Variants in COCH observed in about 807,000 individuals in gnomAD.
The protein encoded by COCH is coagulation factor C homolog, cochlin (Limulus polyphemus).
In COCH, 40 loss-of-function variants were observed where a neutral mutation model predicts 54.8. The ratio of observed to expected loss-of-function variants is 0.73; its 90% CI spans 0.57 to 0.95. The LOEUF is 0.95. Among genes scored for constraint, COCH ranks in the 40% least tolerant of loss-of-function variants. COCH has a pLI of 0.00. For synonymous variants in COCH, 256 were observed against 237.9 expected, an observed-to-expected ratio of 1.08 and a Z score of -0.70; for missense variants, 605 against 675.0, an observed-to-expected ratio of 0.90 and a Z score of 1.15.
At chr14:30,893,666 G>T (rs1195514626), downstream of COCH, 1 of 152,176 alleles carries the variant, frequency 6.6e-6, no homozygotes, top group Admixed American at 6.5e-5. Context: ...TTTAATGCAA[G>T]ACTTTTTCTT....
Position 30,885,631 on chromosome 14 carries a change from G to A in COCH, c.960+11G>A, listed in dbSNP as rs1177130640. 6.5e-6 allele frequency: 10 copies of A among 1,546,910 alleles called. No individual in the cohort carries two copies. The highest frequency in any genetic ancestry group is 1.4e-5 in the African/African-American group (1 of 73,540). On this transcript the variant is annotated intron_variant, in intron 10 of 11. Transcript: ENST00000396618. ...ACATTTGTTGACAAGGTAAAGTGGT[G>A]AGGGTTATCTTCTGTTACAGTGATG... is the stretch of plus-strand genomic sequence containing the variant.
chr14:30,878,115 C>T (rs1895435176), intron 4 of COCH, among the ~76,000 whole-genome samples: 2 of 152,150 alleles, frequency 1.3e-5, no homozygotes, highest in Non-Finnish European at 2.9e-5. Context: ...AAGTATCTTG[C>T]CCAAGGTGAC....
In COCH at chr14:30,877,791, A is replaced by G. The variant is rs1317514906; in HGVS notation, c.239+63A>G. 2.5e-6 allele frequency: 4 copies of G among 1,607,718 alleles called. No individual in the cohort carries two copies. Among genetic ancestry groups the G allele is most frequent in the Non-Finnish European group, 3.4e-6 (4 of 1,178,802 alleles). On this transcript the variant is annotated intron_variant, in intron 4 of 11. Transcript: ENST00000396618. This position sits in a 1 kb window ranked among gnomAD's most constrained non-coding sequence, Gnocchi z 8.6. ...ACGTGATTATTTCCTTTCCTGCTTT[A>G]CCCATCTGGATCCCTTTCCTCCCTG...
intron 8 of COCH, among the ~76,000 whole-genome samples, chr14:30,883,125 T>A (rs1476638623): frequency 6.6e-6 from 1 of 152,246 alleles, no homozygotes; most frequent in African/African-American, 2.4e-5. Context: ...TTAAAAAAAA[T>A]GTGTTCCTTG....
intron 3 of COCH, chr14:30,875,626 C>CCACCGAGA: frequency 3.4e-6 from 1 of 298,412 alleles, no homozygotes; most frequent in Non-Finnish European, 6.1e-6. Context: ...CGCGGTCTCA[C>CCACCGAGA]TCTACACGCT....
intron 4 of COCH, among the ~76,000 whole-genome samples, chr14:30,878,342 TG>T (rs1482368235): frequency 6.6e-6 from 1 of 152,186 alleles, no homozygotes; most frequent in Non-Finnish European, 1.5e-5. Context: ...AGGCAAATTT[TG>T]TTCTTGTGTA....
intron 8 of COCH, among the ~76,000 whole-genome samples, chr14:30,883,116 TA>T (rs933666891): frequency 2.6e-5 from 4 of 152,054 alleles, no homozygotes; most frequent in Non-Finnish European, 5.9e-5. Flanking sequence ...CTCTCACCCT[TA>T]AAAAAAATGT....
At chr14:30,874,811 C>G (rs939220614) in intron 1 of COCH, 105 bp from the exon 2 acceptor site, 19 of 1,090,886 alleles carry the variant, frequency 1.7e-5, no homozygotes, top group Admixed American at 1.2e-4. Context: ...TGTGTCCTCT[C>G]TCCTCTGCGC....
At chr14:30,895,484 T>C, downstream of COCH, 1 of 1,614,126 alleles carries the variant, frequency 6.2e-7, no homozygotes, top group Non-Finnish European at 8.5e-7. Flanking sequence ...GAAAGCAACA[T>C]CATAAATTGA....
rs770299353 is a variant in COCH, at chr14:30,880,464, A to C, written c.449A>C (p.Lys150Thr). The C allele has an allele frequency of 1.9e-6, 3 of 1,614,174 alleles. No homozygotes were observed. The highest frequency in any genetic ancestry group is 1.7e-6 in the Non-Finnish European group (2 of 1,180,034). The change falls in exon 7 of 12, where the codon AAG (lysine) becomes ACG (threonine). Residue 150 changes from lysine (K) to threonine (T), a missense_variant. Coordinates refer to ENST00000396618, the MANE Select transcript of COCH (RefSeq NM_004086.3). ...TCTTTTATTTCAGGTAAACGACTAA[A>C]GAAAACACCCGAGAAGAAAACTGGC... ...TAHPPTGKRL[K>T]KTPEKKTGNK...
Position 30,882,540 on chromosome 14 carries a change from CATA to C in COCH, c.629+1807_629+1809del, listed in dbSNP as rs143391524. Among the ~76,000 whole-genome samples, 28 of 152,146 alleles carry C rather than the reference CATA, an allele frequency of 1.8e-4. No homozygotes were observed. The East Asian group carries it at 5.0e-3, about 27-fold the overall frequency. ...TCCTTTAGTATTTTTAGCATTTTCT[CATA>C]TCACAAATATTCATCAAAAATATTT... On this transcript the variant is annotated intron_variant, in intron 8 of 11. Transcript: ENST00000396618.
intron 8 of COCH, among the ~76,000 whole-genome samples, chr14:30,883,820 A>C (rs1461860112): frequency 2.6e-5 from 4 of 152,238 alleles, no homozygotes; most frequent in African/African-American, 9.6e-5. Context: ...AGGAAATGAG[A>C]TCTCAAAACT....
rs186875564 is a variant in COCH, at chr14:30,885,474, G to A, written c.814G>A (p.Val272Ile). The A allele has an allele frequency of 4.2e-5, 68 of 1,614,046 alleles. No individual in the cohort carries two copies. The highest frequency in any genetic ancestry group is 1.7e-4 in the Admixed American group (10 of 60,028). The change falls in exon 10 of 12, where the codon GTA becomes ATA. Residue 272 changes from valine to isoleucine, a missense_variant. By Grantham distance (29) the Val-to-Ile change is conservative (BLOSUM62 3). Coordinates refer to ENST00000396618, the MANE Select transcript of COCH (RefSeq NM_004086.3). ...AAAAGGGATCCCCAAAGTGGTGGTG[G>A]TATTTATTGATGGTTGGCCTTCTGA... Reference protein sequence around the residue: ...VRKGIPKVVVVFIDGWPSDDI... With the variant: ...VRKGIPKVVVIFIDGWPSDDI...
In COCH at chr14:30,884,533, A is replaced by G. The variant is rs759040323; in HGVS notation, c.630-20A>G. 1 of 1,518,582 alleles carries G rather than the reference A, an allele frequency of 6.6e-7. No homozygotes were observed. The highest frequency in any genetic ancestry group is 1.1e-5 in the South Asian group (1 of 89,086). 94.1% of individuals were successfully genotyped at this position (1,518,582 alleles called of 1,614,324 possible). Reference sequence around the variant, plus strand: ...ACCTTTTTAATTCTCCCTGAATAACATTTTCTTTCTTCCACTCAGTGAACA... The same window carrying G: ...ACCTTTTTAATTCTCCCTGAATAACGTTTTCTTTCTTCCACTCAGTGAACA... On this transcript the variant is annotated intron_variant, in intron 8 of 11. Transcript: ENST00000396618.
At chr14:30,878,979 C>A (rs746094796) in intron 5 of COCH, 35 bp downstream of exon 5, 4 of 1,611,768 alleles carry the variant, frequency 2.5e-6, no homozygotes, top group African/African-American at 1.3e-5. Flanking sequence ...CTGTAATATT[C>A]TCCCACCCCC....
chr14:30,887,400 A>G (rs1348480815), intron 11 of COCH, among the ~76,000 whole-genome samples: 1 of 144,362 alleles, frequency 6.9e-6, no homozygotes, highest in East Asian at 2.3e-4. Context: ...TCTCAAAAAG[A>G]AAAAAAAAAA....
chr14:30,878,966 A>G, intron 5 of COCH, 22 bp downstream of exon 5: 3 of 1,612,948 alleles, frequency 1.9e-6, no homozygotes, highest in Middle Eastern at 1.8e-4. Context: ...TATTGTTCTC[A>G]TTCTGTAATA....
chr14:30,875,179 C>T, intron 3 of COCH, 76 bp downstream of exon 3: 4 of 1,532,202 alleles, frequency 2.6e-6, no homozygotes, highest in Middle Eastern at 2.3e-4. Flanking sequence ...GACTCAGATC[C>T]AGCCCCTTGG....
In COCH at chr14:30,877,525, C is replaced by T. The variant is rs2138836892; in HGVS notation, c.83-47C>T. ...ACTGTAGTCTCCCCACCACTATGCCCCAAGAAGTCCTAAGAATGCTTACAA... is the reference window on the plus strand; with the variant it reads ...ACTGTAGTCTCCCCACCACTATGCCTCAAGAAGTCCTAAGAATGCTTACAA... On this transcript the variant is annotated intron_variant, in intron 3 of 11. Coordinates refer to ENST00000396618, the MANE Select transcript of COCH (RefSeq NM_004086.3). This position sits in a 1 kb window ranked among gnomAD's most constrained non-coding sequence, Gnocchi z 8.6. The T allele has an allele frequency of 6.2e-7, 1 of 1,609,480 alleles. No homozygotes were observed. The highest frequency in any genetic ancestry group is 1.1e-5 in the South Asian group (1 of 90,906).
Sources: allele counts gnomAD v4.1 joint callset (sites outside exome capture counted in the v4.1 genomes callset), GRCh38; gene constraint gnomAD v4.1.1; non-coding constraint Gnocchi (gnomAD v3.1); transcripts MANE v1.5; gene names NCBI Gene and HGNC (gene_info 2026-07-23, HGNC 2026-07-21).